INTS6: variants seen among roughly 807,000 people sequenced by gnomAD.
The protein encoded by INTS6 is DEAD box protein.
A neutral mutation model predicts 104.9 loss-of-function variants in INTS6; 16 were observed. The observed-to-expected ratio is 0.15, with a 90% confidence interval of 0.10 to 0.23. The LOEUF (loss-of-function observed/expected upper bound fraction) is 0.23, where lower values mean the gene tolerates loss of function less well. INTS6 is among the 10% of genes least tolerant of loss of function. The pLI is 1.00. For missense variants in INTS6, 584 were observed against 1,062.8 expected, an observed-to-expected ratio of 0.55 and a Z score of 6.26; for synonymous variants, 324 against 358.7, an observed-to-expected ratio of 0.90 and a Z score of 1.09.
At position 51,452,010 on chromosome 13, in the gene INTS6, C is replaced by G; in HGVS notation, c.157G>C (p.Val53Leu). ...GCATAGGGCGGCTCTTCGAAAGTGACCAGCATATACCTGTCTCCTCTGCTG... is the reference window on the plus strand; with the variant it reads ...GCATAGGGCGGCTCTTCGAAAGTGAGCAGCATATACCTGTCTCCTCTGCTG... ...PASRGDRYML[V>L]TFEEPPYAIK... is the part of the protein sequence containing the mutation. Residue 53 changes from valine (V) to leucine (L), a missense_variant, in exon 2 of 18, where the codon GTC becomes CTC. Around this residue, in one of 5 missense-constraint regions of INTS6, gnomAD observed 70 missense variants for 190.3 expected, o/e 0.37. Coordinates refer to ENST00000311234, the MANE Select transcript of INTS6 (RefSeq NM_012141.3). The surrounding 1 kb of genome is among the most constrained non-coding windows in gnomAD (Gnocchi z 4.2). The G allele has an allele frequency of 6.2e-7, 1 of 1,610,160 alleles. No individual in the cohort carries two copies. Among genetic ancestry groups the G allele is most frequent in the Non-Finnish European group, 8.5e-7 (1 of 1,177,724 alleles).
chr13:51,374,989 A>T (rs1318181997), intron 13 of INTS6, among the ~76,000 whole-genome samples, 193 bp from the exon 14 acceptor site: 1 of 152,178 alleles, frequency 6.6e-6, no homozygotes, highest in Admixed American at 6.5e-5. Flanking sequence ...TGATCTCATC[A>T]TCTAAACAAA....
At chr13:51,387,574 T>C (rs775551148) in intron 6 of INTS6, 34 bp from the exon 7 acceptor site, 10 of 1,561,822 alleles carry the variant, frequency 6.4e-6, no homozygotes, top group Non-Finnish European at 7.8e-6. Context: ...AGAAAGCATA[T>C]ATCATAAGGG....
Position 51,393,369 on chromosome 13 carries a change from C to T in INTS6, c.613+1931G>A, listed in dbSNP as rs138134647. Among the ~76,000 whole-genome samples the T allele has an allele frequency of 5.6e-3, 854 of 152,244 alleles. 12 individuals carry two copies. The highest frequency in any genetic ancestry group is 0.019 in the African/African-American group (804 of 41,542). Reference sequence around the variant, plus strand: ...CTGGGATTACAGGCATGAGCCACCGCGCCCGGCCAACCTTAAGTTTTAAAA... The same window carrying T: ...CTGGGATTACAGGCATGAGCCACCGTGCCCGGCCAACCTTAAGTTTTAAAA... On this transcript the variant is annotated intron_variant, in intron 5 of 17. Transcript: ENST00000311234.
intron 3 of INTS6, among the ~76,000 whole-genome samples, chr13:51,432,515 G>T (rs1250150073): frequency 1.3e-5 from 2 of 149,896 alleles, no homozygotes; most frequent in African/African-American, 4.9e-5. Flanking sequence ...TGAACATGTT[G>T]AAGGCAAAGA....
At chr13:51,352,119 G>C (rs2137795497), downstream of INTS6, among the ~76,000 whole-genome samples, 1 of 152,094 alleles carries the variant, frequency 6.6e-6, no homozygotes, top group African/African-American at 2.4e-5. Context: ...ATAAATTTTA[G>C]AATCAGCTTG....
chr13:51,435,249 C>T (rs1001854622), intron 3 of INTS6, among the ~76,000 whole-genome samples: 1 of 151,900 alleles, frequency 6.6e-6, no homozygotes, highest in Non-Finnish European at 1.5e-5. Context: ...GCAGTGGTTC[C>T]TGTCATAAAG....
intron 15 of INTS6, among the ~76,000 whole-genome samples, chr13:51,371,806 T>C (rs553158686): frequency 6.6e-6 from 1 of 152,164 alleles, no homozygotes; most frequent in African/African-American, 2.4e-5. Flanking sequence ...CTCACAGAGC[T>C]CGGAAGAAAA....
chr13:51,447,709 T>A (rs544555330), intron 3 of INTS6: 1 of 113,684 alleles, frequency 8.8e-6, no homozygotes, highest in East Asian at 2.6e-4. Flanking sequence ...ATATATTGGC[T>A]AATCTTAACT....
chr13:51,367,523 T>C (rs1342393588), intron 17 of INTS6, among the ~76,000 whole-genome samples: 2 of 152,058 alleles, frequency 1.3e-5, no homozygotes, highest in African/African-American at 2.4e-5. Context: ...AATATTAATG[T>C]AAAGATATCA....
Position 51,382,132 on chromosome 13 carries a change from G to T in INTS6, c.1181-9C>A. Reference sequence around the variant, plus strand: ...CACTTTAAACAAGTCATCTAGAAACGTATAATGTGAACAAACTATCACTAC... The same window carrying T: ...CACTTTAAACAAGTCATCTAGAAACTTATAATGTGAACAAACTATCACTAC... On this transcript the variant is annotated splice_polypyrimidine_tract_variant and intron_variant, in intron 9 of 17. Coordinates refer to ENST00000311234, the MANE Select transcript of INTS6 (RefSeq NM_012141.3). 1 of 1,558,876 alleles carries T rather than the reference G, an allele frequency of 6.4e-7. No individual in the cohort carries two copies. Among genetic ancestry groups the T allele is most frequent in the Non-Finnish European group, 8.8e-7 (1 of 1,133,636 alleles).
intron 4 of INTS6, among the ~76,000 whole-genome samples, chr13:51,403,915 T>C (rs1313152868): frequency 1.3e-5 from 2 of 152,068 alleles, no homozygotes; most frequent in Non-Finnish European, 2.9e-5. Context: ...CCTCTCAGTG[T>C]CCTGCCAATA....
At chr13:51,431,254 T>G (rs1194649198) in intron 3 of INTS6, among the ~76,000 whole-genome samples, 1 of 152,210 alleles carries the variant, frequency 6.6e-6, no homozygotes, top group African/African-American at 2.4e-5. Context: ...GGGTAAACCT[T>G]GTATTTGAAA....
intron 3 of INTS6, chr13:51,445,161 T>TA (rs1394985740): frequency 6.6e-6 from 1 of 152,234 alleles, no homozygotes; most frequent in African/African-American, 2.4e-5. Flanking sequence ...TTTTTTCACA[T>TA]AAGTATTCTT....
At chr13:51,418,599 TA>T (rs750253651) in intron 4 of INTS6, among the ~76,000 whole-genome samples, 3 of 152,200 alleles carry the variant, frequency 2.0e-5, no homozygotes, top group Non-Finnish European at 4.4e-5. Flanking sequence ...TTCCTATTGT[TA>T]CACTCCACAG....
chr13:51,394,029 A>T (rs549616342), intron 5 of INTS6, among the ~76,000 whole-genome samples: 32 of 133,044 alleles, frequency 2.4e-4, no homozygotes, highest in African/African-American at 8.9e-4. Context: ...CCCAGAGTTT[A>T]AAAAAAAAAA....
At chr13:51,422,947 C>G in intron 4 of INTS6, 1 of 680,992 alleles carries the variant, frequency 1.5e-6, no homozygotes, top group Non-Finnish European at 2.1e-6. Context: ...AACTTTACTC[C>G]TTTCTTTACG....
In INTS6 at chr13:51,362,153, C is replaced by CTA; in HGVS notation, c.*3597_*3598dup. 1.0e-6 allele frequency: 1 copy of CTA among 972,928 alleles called. No homozygotes were observed. The highest frequency in any genetic ancestry group is 1.4e-6 in the Non-Finnish European group (1 of 709,608). The allele number at this position is 972,928 out of a possible 1,614,324, so 60.3% of individuals were successfully genotyped here. On this transcript the variant is annotated 3_prime_UTR_variant, in exon 18 of 18. Coordinates refer to ENST00000311234, the MANE Select transcript of INTS6 (RefSeq NM_012141.3). The stretch of plus-strand genomic sequence containing the variant: ...TTAATGTAGATTTTTTTTTTTAATG[C>CTA]TATAGGTTTCTACTTCTGAAGACAC...
At chr13:51,426,678 T>C (rs1164620374) in intron 4 of INTS6, among the ~76,000 whole-genome samples, 1 of 152,090 alleles carries the variant, frequency 6.6e-6, no homozygotes, top group Non-Finnish European at 1.5e-5. Flanking sequence ...TTTATCTTTG[T>C]TATCCTCATT....
intron 13 of INTS6, among the ~76,000 whole-genome samples, chr13:51,375,351 CAAAAAAAAA>C (rs34281256): frequency 0.014 from 1,715 of 120,854 alleles, 27 homozygotes; most frequent in East Asian, 0.083. Context: ...GGCTCTGACT[CAAAAAAAAA>C]AAAAAAAAGT....
Sources: allele counts gnomAD v4.1 joint callset (sites outside exome capture counted in the v4.1 genomes callset), GRCh38; gene constraint gnomAD v4.1.1; regional missense constraint gnomAD v4.1.1; non-coding constraint Gnocchi (gnomAD v3.1); transcripts MANE v1.5; gene names NCBI Gene and HGNC (gene_info 2026-07-23, HGNC 2026-07-21).